The following LMNB2 variants were observed in gnomAD, a reference collection of about 807,000 sequenced individuals.
LMNB2 encodes lamin B2.
LMNB2 carries 17 observed loss-of-function variants against 69.3 expected under a neutral mutation model. That is an observed-to-expected ratio of 0.25 (90% CI 0.17 to 0.37). The LOEUF (loss-of-function observed/expected upper bound fraction) is 0.37. LMNB2 is among the 10% of genes least tolerant of loss of function. LMNB2 has a pLI of 1.00. For missense variants in LMNB2, 789 were observed against 883.6 expected, an observed-to-expected ratio of 0.89 and a Z score of 1.36; for synonymous variants, 397 against 389.3, an observed-to-expected ratio of 1.02 and a Z score of -0.23.
rs749318036 is a variant in LMNB2, at chr19:2,431,581, G to A, written c.1788C>T (p.Ala596=). ...NENGEEEEEE[A]EFGEEDLFHQ... ...GGAAAAGATCCTCCTCGCCAAACTCGGCTTCCTCCTCCTCTTCCTCCCCAT... is the reference window on the plus strand; with the variant it reads ...GGAAAAGATCCTCCTCGCCAAACTCAGCTTCCTCCTCCTCTTCCTCCCCAT... Residue 596 remains alanine, a synonymous_variant, in exon 11 of 12, where the codon GCC becomes GCT. Transcript: ENST00000325327. The A allele has an allele frequency of 1.9e-5, 30 of 1,613,964 alleles. No homozygotes were observed. The highest frequency in any genetic ancestry group is 1.6e-4 in the East Asian group (7 of 44,890).
chr19:2,432,644 T>C, intron 8 of LMNB2, 121 bp from the exon 9 acceptor site: 2 of 797,814 alleles, frequency 2.5e-6, no homozygotes, highest in Non-Finnish European at 4.4e-6. Context: ...GTCACCCCAT[T>C]ACCCCCATGC....
chr19:2,430,642 G>C lies in LMNB2; in HGVS notation c.*269C>G. On this transcript the variant is annotated 3_prime_UTR_variant, in exon 12 of 12. Transcript: ENST00000325327. ...GCCCAAGCATCTTCTAAACCTCCGG[G>C]TCCTGGCCCTGGGCTTCCAATTTGA... 1.8e-6 allele frequency: 1 copy of C among 551,684 alleles called. No individual in the cohort carries two copies. The highest frequency in any genetic ancestry group is 3.3e-6 in the Non-Finnish European group (1 of 303,280). 34.2% of individuals were successfully genotyped at this position (551,684 alleles called of 1,614,324 possible).
chr19:2,432,112 T>A (rs1345136209), intron 9 of LMNB2, among the ~76,000 whole-genome samples: 1 of 152,112 alleles, frequency 6.6e-6, no homozygotes, highest in Non-Finnish European at 1.5e-5. Flanking sequence ...AAGCAGGGGC[T>A]GAACTGGGAT....
chr19:2,440,199 T>G (rs1441413983), intron 2 of LMNB2, among the ~76,000 whole-genome samples: 1 of 151,736 alleles, frequency 6.6e-6, no homozygotes, highest in African/African-American at 2.4e-5. Context: ...TATCTTTTTT[T>G]TTTTTTTTGA....
At chr19:2,452,907 TGG>T (rs1337160061) in intron 1 of LMNB2, among the ~76,000 whole-genome samples, 1 of 79,222 alleles carries the variant, frequency 1.3e-5, no homozygotes, top group Non-Finnish European at 2.7e-5. Context: ...GTCATCCTCG[TGG>T]GGGATGGGTC....
rs370025312 is a variant in LMNB2, at chr19:2,434,519, C to G, written c.982-4G>C. 1.2e-6 allele frequency: 2 copies of G among 1,611,172 alleles called. No homozygotes were observed. Among genetic ancestry groups the G allele is most frequent in the East Asian group, 4.5e-5 (2 of 44,852 alleles). ...TGCGATCTTCAGCGGCACTGGCCTGCGGAGGGGGCGGGTGGCGAAGGTCAG... is the reference window on the plus strand; with the variant it reads ...TGCGATCTTCAGCGGCACTGGCCTGGGGAGGGGGCGGGTGGCGAAGGTCAG... On this transcript the variant is annotated splice_polypyrimidine_tract_variant and splice_region_variant and intron_variant, in intron 6 of 11. Coordinates refer to ENST00000325327, the MANE Select transcript of LMNB2 (RefSeq NM_032737.4).
intron 1 of LMNB2, among the ~76,000 whole-genome samples, chr19:2,446,968 G>A (rs1971963536): frequency 6.6e-6 from 1 of 151,854 alleles, no homozygotes; most frequent in South Asian, 2.1e-4. Context: ...GTGAAACCCC[G>A]TCTCTACTAA....
chr19:2,446,827 C>T (rs1971961516), intron 1 of LMNB2, among the ~76,000 whole-genome samples: 1 of 152,188 alleles, frequency 6.6e-6, no homozygotes, highest in Admixed American at 6.5e-5. Context: ...ACATGAAATT[C>T]ACATCCATGC....
chr19:2,431,869 G>T lies in LMNB2; in HGVS notation c.1624C>A (p.Pro542Thr), dbSNP rs759878071. 6.2e-7 allele frequency: 1 copy of T among 1,613,014 alleles called. No individual in the cohort carries two copies. The highest frequency in any genetic ancestry group is 8.5e-7 in the Non-Finnish European group (1 of 1,179,896). Residue 542 changes from proline (P) to threonine (T), a missense_variant, in exon 10 of 12, where the codon CCC becomes ACC. By Grantham distance (38) the Pro-to-Thr change is conservative. Coordinates refer to ENST00000325327, the MANE Select transcript of LMNB2 (RefSeq NM_032737.4). ...CCCTTCCACACCAGCGTCGAGGGGG[G>T]GCTGTGGGCCACCCCCGCACCAGCT... ...WAAGAGVAHSPPSTLVWKGQS... is the reference protein window; with the variant it reads ...WAAGAGVAHSTPSTLVWKGQS...
intron 2 of LMNB2, among the ~76,000 whole-genome samples, chr19:2,442,459 T>G (rs1346154303): frequency 5.9e-5 from 9 of 152,066 alleles, no homozygotes; most frequent in Admixed American, 5.9e-4. Flanking sequence ...ATCCCAACTA[T>G]TCAGGAGGCT....
chr19:2,451,215 T>C (rs137909985), intron 1 of LMNB2, among the ~76,000 whole-genome samples: 4 of 152,230 alleles, frequency 2.6e-5, no homozygotes, highest in African/African-American at 9.6e-5. Context: ...TGCCACTGCA[T>C]TCCAGCCTGG....
chr19:2,448,237 G>C (rs180817176), intron 1 of LMNB2, among the ~76,000 whole-genome samples: 11 of 152,340 alleles, frequency 7.2e-5, no homozygotes, highest in Admixed American at 1.3e-4. Flanking sequence ...CTGGGCACCA[G>C]GTGCAGGCAT....
At position 2,430,944 on chromosome 19, in the gene LMNB2, C is replaced by T. The variant is rs748782215; in HGVS notation, c.1830G>A (p.Pro610=). 2.7e-5 allele frequency: 43 copies of T among 1,609,422 alleles called. No homozygotes were observed. The highest frequency in any genetic ancestry group is 1.1e-4 in the East Asian group (5 of 44,872). ...EEDLFHQQGD[P]RTTSRGCYVM ...CGTAGCAGCCTCTTGAGGTGGTCCT[C>T]GGGTCCCCCTGCAGGAAGGAAGGAA... Residue 610 remains proline (P), a synonymous_variant, in exon 12 of 12, where the codon CCG becomes CCA. Coordinates refer to ENST00000325327, the MANE Select transcript of LMNB2 (RefSeq NM_032737.4).
In LMNB2 at chr19:2,444,484, C is replaced by T. The variant is rs765256989; in HGVS notation, c.321G>A (p.Leu107=). The part of the protein sequence containing the change: ...ESELADARRV[L]DETARERARL... ...GGGCACGCTCTCGAGCCGTCTCATC[C>T]AGGACTCTCCGGGCATCGGCCAGCT... The change falls in exon 2 of 12, where the codon CTG becomes CTA. Residue 107 remains leucine, a synonymous_variant. Transcript: ENST00000325327. 27 of 1,613,348 alleles carry T rather than the reference C, an allele frequency of 1.7e-5. No individual in the cohort carries two copies. The highest frequency in any genetic ancestry group is 2.0e-5 in the Non-Finnish European group (24 of 1,180,032).
chr19:2,450,370 C>T (rs1057399187), intron 1 of LMNB2, among the ~76,000 whole-genome samples: 4 of 151,860 alleles, frequency 2.6e-5, no homozygotes, highest in South Asian at 2.1e-4. Flanking sequence ...GAAAGGACAT[C>T]GGGGAAACTG....
chr19:2,432,571 A>T (rs1325060366), intron 8 of LMNB2, 48 bp from the exon 9 acceptor site: 1 of 1,485,402 alleles, frequency 6.7e-7, no homozygotes. Context: ...GGACTGTGAC[A>T]CCGCCCCCAT....
chr19:2,456,765 G>A lies in LMNB2; in HGVS notation c.169C>T (p.Leu57=), dbSNP rs1264062468. The A allele has an allele frequency of 6.5e-7, 1 of 1,549,846 alleles. No homozygotes were observed. The highest frequency in any genetic ancestry group is 1.4e-5 in the African/African-American group (1 of 70,226). ...KEELRELNDR[L]AHYIDRVRAL... Reference sequence around the variant, plus strand: ...CGGACGCGGTCGATGTAGTGCGCCAGGCGGTCGTTGAGCTCGCGCAGCTCC... The same window carrying A: ...CGGACGCGGTCGATGTAGTGCGCCAAGCGGTCGTTGAGCTCGCGCAGCTCC... The change falls in exon 1 of 12, where the codon CTG becomes TTG. Residue 57 remains leucine (L), a synonymous_variant. Coordinates refer to ENST00000325327, the MANE Select transcript of LMNB2 (RefSeq NM_032737.4).
Position 2,438,414 on chromosome 19 carries a change from C to T in LMNB2, c.519G>A (p.Leu173=). ...LAAALSDKRG[L]ESDVAELRAQ... ...CCCGCAGCTCAGCCACGTCACTCTC[C>T]AGGCCGCGCTTGTCGCTGAGGGCAG... Residue 173 remains leucine (L), a synonymous_variant, in exon 3 of 12, where the codon CTG becomes CTA. Transcript: ENST00000325327. The T allele has an allele frequency of 1.2e-6, 2 of 1,612,834 alleles. No individual in the cohort carries two copies. Among genetic ancestry groups the T allele is most frequent in the Non-Finnish European group, 1.7e-6 (2 of 1,179,878 alleles).
chr19:2,444,573 G>T, intron 1 of LMNB2, 33 bp from the exon 2 acceptor site: 2 of 1,603,004 alleles, frequency 1.2e-6, no homozygotes, highest in South Asian at 2.2e-5. Context: ...GAAGCGAGAG[G>T]GACCCTTCCC....
Sources: allele counts gnomAD v4.1 joint callset (sites outside exome capture counted in the v4.1 genomes callset), GRCh38; gene constraint gnomAD v4.1.1; transcripts MANE v1.5; gene names NCBI Gene and HGNC (gene_info 2026-07-23, HGNC 2026-07-21).